PRMT2: variants seen among roughly 807,000 people sequenced by gnomAD.
PRMT2 encodes protein arginine N-methyltransferase 2.
In PRMT2, 26 loss-of-function variants were observed where a neutral mutation model predicts 57.6. That is an observed-to-expected ratio of 0.45 (90% confidence interval 0.33 to 0.63). The LOEUF (loss-of-function observed/expected upper bound fraction) is 0.63, where lower values mean the gene tolerates loss of function less well. Among genes scored for constraint, PRMT2 ranks in the 20% least tolerant of loss-of-function variants. The pLI is 0.02. For synonymous variants in PRMT2, 219 were observed against 220.0 expected (o/e 1.00, Z 0.04); for missense variants, 472 against 564.4 (o/e 0.84, Z 1.66).
chr21:46,640,932 A>T (rs2061261181), intron 3 of PRMT2, among the ~76,000 whole-genome samples: 1 of 151,772 alleles, frequency 6.6e-6, no homozygotes, highest in Non-Finnish European at 1.5e-5. Context: ...TAAACAAGAT[A>T]ACTGGGAAAA....
At chr21:46,652,619 C>T (rs1009635230) in intron 7 of PRMT2, 53 of 985,000 alleles carry the variant, frequency 5.4e-5, no homozygotes, top group East Asian at 1.1e-4. Context: ...AAGTGTGCAC[C>T]GCCATGCCCT....
At chr21:46,655,708 A>G (rs998893180) in intron 7 of PRMT2, among the ~76,000 whole-genome samples, 8 of 152,200 alleles carry the variant, frequency 5.3e-5, no homozygotes, top group African/African-American at 1.7e-4. Context: ...TAGAAATTAA[A>G]GAATATCACA....
At chr21:46,652,876 C>A (rs1214247421) in intron 7 of PRMT2, 1 of 1,302,658 alleles carries the variant, frequency 7.7e-7, no homozygotes, top group Non-Finnish European at 1.0e-6. Context: ...TCTCCTGAGG[C>A]CACGCCACGA....
chr21:46,639,145 A>T (rs976014715), intron 3 of PRMT2, among the ~76,000 whole-genome samples: 1 of 152,206 alleles, frequency 6.6e-6, no homozygotes, highest in East Asian at 1.9e-4. Context: ...ATTTCTAAAC[A>T]TATTGGAAAT....
chr21:46,657,748 C>T (rs765215971), intron 7 of PRMT2: 3 of 152,052 alleles, frequency 2.0e-5, no homozygotes, highest in Non-Finnish European at 4.4e-5. Flanking sequence ...GGACAAAATC[C>T]ACACAAGCGC....
rs745755918 is a variant in PRMT2 at position 46,649,793 on chromosome 21, C to T, written c.654+54C>T. 2.5e-5 allele frequency: 39 copies of T among 1,581,092 alleles called. No homozygotes were observed. The highest frequency in any genetic ancestry group is 1.7e-4 in the African/African-American group (13 of 74,358). ...GCCGGAGCTGGGGGGCTTCTGAGCA[C>T]GGGCTCGGCTGGGCCAACCTCAGGA... On this transcript the variant is annotated intron_variant, in intron 7 of 11. Transcript: ENST00000355680. This position sits in a 1 kb window ranked among gnomAD's most constrained non-coding sequence, Gnocchi z 4.8.
intron 9 of PRMT2, chr21:46,661,264 C>T: frequency 4.6e-6 from 1 of 215,696 alleles, no homozygotes; most frequent in Non-Finnish European, 9.1e-6. Flanking sequence ...AATTATATTT[C>T]GTTTCATTAT....
chr21:46,650,444 C>T (rs2061432392), intron 7 of PRMT2, among the ~76,000 whole-genome samples: 1 of 152,130 alleles, frequency 6.6e-6, no homozygotes, highest in Non-Finnish European at 1.5e-5. Flanking sequence ...ACGGTTTCCC[C>T]TGGTAACAGA....
Position 46,660,815 on chromosome 21 carries a change from T to C in PRMT2, c.831-18T>C. ...GTTTGCAATGACTCTCAACAGTCGC[T>C]TTGACCTTTTCCCCTAGATCTTTAG... is the stretch of plus-strand genomic sequence containing the variant. On this transcript the variant is annotated intron_variant, in intron 8 of 11. Transcript: ENST00000355680. 2 of 1,612,956 alleles carry C rather than the reference T, an allele frequency of 1.2e-6. No homozygotes were observed. Among genetic ancestry groups the C allele is most frequent in the Non-Finnish European group, 1.7e-6 (2 of 1,179,618 alleles).
In PRMT2 at chr21:46,653,410, G is replaced by A. The variant is rs1011675683; in HGVS notation, c.654+3671G>A. 4.0e-6 allele frequency: 4 copies of A among 992,634 alleles called. No homozygotes were observed. The African/African-American group carries it at 5.3e-5, about 13-fold the overall frequency. The allele number at this position is 992,634 out of a possible 1,614,324, so 61.5% of individuals were successfully genotyped here. A position where few individuals can be genotyped will look rare whatever the true frequency, so the allele number is the denominator to read the frequency against. On this transcript the variant is annotated intron_variant, in intron 7 of 11. Transcript: ENST00000355680. Reference sequence around the variant, plus strand: ...TATTTATAGAATGTGTGGTGTAGATGATGGGACAGCTCCCCCTCAGCAAGA... The same window carrying A: ...TATTTATAGAATGTGTGGTGTAGATAATGGGACAGCTCCCCCTCAGCAAGA...
Position 46,648,539 on chromosome 21 carries a change from A to G in PRMT2, c.409A>G (p.Thr137Ala), listed in dbSNP as rs1329194220. The part of the protein sequence containing the change: ...SVILQNKESL[T>A]DKVILDVGCG... ...CATCCTGCAGAATAAAGAATCCCTG[A>G]CGGATAAAGTCATCCTGGACGTGGG... is the stretch of plus-strand genomic sequence containing the variant. The change falls in exon 6 of 12, where the codon ACG becomes GCG. Residue 137 changes from threonine to alanine, a missense_variant. Thr to Ala is a moderately conservative substitution (Grantham distance 58). Around this residue, in one of 2 missense-constraint regions of PRMT2, gnomAD observed 243 missense variants for 347.2 expected, o/e 0.70. Coordinates refer to ENST00000355680, the MANE Select transcript of PRMT2 (RefSeq NM_206962.4). This position sits in a 1 kb window ranked among gnomAD's most constrained non-coding sequence, Gnocchi z 4.8. 1.2e-6 allele frequency: 2 copies of G among 1,614,238 alleles called. No individual in the cohort carries two copies. The highest frequency in any genetic ancestry group is 1.7e-5 in the Admixed American group (1 of 60,032).
chr21:46,659,921 C>T, intron 8 of PRMT2: 1 of 985,312 alleles, frequency 1.0e-6, no homozygotes, highest in Non-Finnish European at 1.2e-6. Context: ...GCAGAATAAA[C>T]CGTGTATACA....
intron 7 of PRMT2, chr21:46,657,819 T>C (rs2061562511): frequency 6.6e-6 from 1 of 152,160 alleles, no homozygotes; most frequent in Non-Finnish European, 1.5e-5. Flanking sequence ...AAAATAAGAT[T>C]GAAAAATAAG....
intron 8 of PRMT2, chr21:46,660,198 C>T (rs1057291731): frequency 2.2e-5 from 21 of 975,630 alleles, no homozygotes; most frequent in African/African-American, 8.8e-5. Flanking sequence ...GGTAAATAAT[C>T]GGTGACTTAC....
At chr21:46,644,577 A>G in intron 5 of PRMT2, 89 bp downstream of exon 5, 1 of 1,337,906 alleles carries the variant, frequency 7.5e-7, no homozygotes, top group East Asian at 2.5e-5. Flanking sequence ...GCAGGCCCAT[A>G]GTCTTACAGG....
rs149582134 is a variant in PRMT2, at chr21:46,649,255, A to C, written c.490-320A>C. 6.6e-6 allele frequency among the ~76,000 whole-genome samples: 1 copy of C among 152,178 alleles called. No homozygotes were observed. The highest frequency in any genetic ancestry group is 6.5e-5 in the Admixed American group (1 of 15,282). ...GACCAGCATTGTCACTTGGGTGCTAAGAAGTTGCTGTGCTGGTCATGGATT... is the reference window on the plus strand; with the variant it reads ...GACCAGCATTGTCACTTGGGTGCTACGAAGTTGCTGTGCTGGTCATGGATT... On this transcript the variant is annotated intron_variant, in intron 6 of 11. Transcript: ENST00000355680. This position sits in a 1 kb window ranked among gnomAD's most constrained non-coding sequence, Gnocchi z 4.8.
intron 3 of PRMT2, among the ~76,000 whole-genome samples, chr21:46,638,991 T>C (rs778866086): frequency 2.6e-5 from 4 of 152,316 alleles, no homozygotes; most frequent in East Asian, 1.9e-4. Flanking sequence ...CTTTCTTTAA[T>C]AGTCTTTAAA....
At position 46,648,811 on chromosome 21, in the gene PRMT2, G is replaced by A. The variant is rs1291138363; in HGVS notation, c.489+192G>A. 6.6e-6 allele frequency among the ~76,000 whole-genome samples: 1 copy of A among 152,208 alleles called. No homozygotes were observed. Among genetic ancestry groups the A allele is most frequent in the African/African-American group, 2.4e-5 (1 of 41,442 alleles). On this transcript the variant is annotated intron_variant, in intron 6 of 11. Coordinates refer to ENST00000355680, the MANE Select transcript of PRMT2 (RefSeq NM_206962.4). The surrounding 1 kb of genome is among the most constrained non-coding windows in gnomAD (Gnocchi z 4.8). ...AGTGCGTGGAGACCGCGTGCTAGAG[G>A]CCGTGGCGCCCGCGTACAATGAGTC... is the stretch of plus-strand genomic sequence containing the variant.
Position 46,651,759 on chromosome 21 carries a change from T to C in PRMT2, c.654+2020T>C, listed in dbSNP as rs752914002. On this transcript the variant is annotated intron_variant, in intron 7 of 11. Transcript: ENST00000355680. ...ATTTGAGGGAGGGAGGGTATGAATC[T>C]GGGAGTCGTTGGTGCGGTTGTACCC... 3.1e-6 allele frequency: 5 copies of C among 1,602,240 alleles called. No individual in the cohort carries two copies. In the East Asian group the frequency reaches 1.1e-4, roughly 36 times the overall value.
Sources: allele counts gnomAD v4.1 joint callset (sites outside exome capture counted in the v4.1 genomes callset), GRCh38; gene constraint gnomAD v4.1.1; regional missense constraint gnomAD v4.1.1; non-coding constraint Gnocchi (gnomAD v3.1); transcripts MANE v1.5; gene names NCBI Gene and HGNC (gene_info 2026-07-23, HGNC 2026-07-21).